The following CNTNAP2 variants were observed in gnomAD, a reference collection of about 807,000 sequenced individuals.
The protein encoded by CNTNAP2 is contactin associated protein 2.
CNTNAP2 carries 98 observed loss-of-function variants against 155.2 expected under a neutral mutation model. That is an observed-to-expected ratio of 0.63 (90% CI 0.54 to 0.75). CNTNAP2 has a LOEUF of 0.75. Ranked by LOEUF, CNTNAP2 falls within the 30% of genes least tolerant of loss-of-function variation. The pLI, the probability that CNTNAP2 is intolerant of heterozygous loss-of-function variation, is 0.00. For missense variants in CNTNAP2, 1,727 were observed against 1,688.1 expected, an observed-to-expected ratio of 1.02 and a Z score of -0.40; for synonymous variants, 651 against 631.2, an observed-to-expected ratio of 1.03 and a Z score of -0.47.
At chr7:147,829,183 A>G (rs892242222) in intron 13 of CNTNAP2, among the ~76,000 whole-genome samples, 4 of 152,124 alleles carry the variant, frequency 2.6e-5, no homozygotes, top group African/African-American at 9.7e-5. Context: ...CCCTCTACCA[A>G]CTGGATATGA....
intron 4 of CNTNAP2, among the ~76,000 whole-genome samples, chr7:147,094,399 CT>C (rs55694542): frequency 0.013 from 1,728 of 132,924 alleles, 9 homozygotes; most frequent in African/African-American, 0.016. Context: ...ATTATTATTC[CT>C]TTTTTTTTTT....
intron 1 of CNTNAP2, among the ~76,000 whole-genome samples, chr7:146,275,567 A>C (rs915239651): frequency 4.6e-5 from 7 of 152,206 alleles, no homozygotes; most frequent in African/African-American, 1.7e-4. Context: ...AAGTAAACCC[A>C]CATGTGTGTG....
chr7:146,634,594 T>C (rs1202545622), intron 1 of CNTNAP2, among the ~76,000 whole-genome samples: 1 of 152,212 alleles, frequency 6.6e-6, no homozygotes, highest in African/African-American at 2.4e-5. Context: ...TTTAATCTGA[T>C]TATTCATGAA....
intron 21 of CNTNAP2, chr7:148,339,318 G>C (rs1798179936): frequency 6.6e-6 from 1 of 151,906 alleles, no homozygotes; most frequent in Non-Finnish European, 1.5e-5. Flanking sequence ...GAGGATGCAA[G>C]TACAATTACG....
intron 1 of CNTNAP2, among the ~76,000 whole-genome samples, chr7:146,350,832 T>A (rs1347414433): frequency 3.9e-5 from 6 of 151,922 alleles, no homozygotes; most frequent in Non-Finnish European, 8.8e-5. Context: ...ATATACACCA[T>A]AGAATACTAT....
rs185322177 is a variant in CNTNAP2, at chr7:147,624,959, A to G, written c.1898-14147A>G. On this transcript the variant is annotated intron_variant, in intron 12 of 23. Transcript: ENST00000361727. ...ATGAGATACAGTCATTTGCAACAAC[A>G]TGGATGGAACTAGAGATCATTATGT... Among the ~76,000 whole-genome samples the G allele has an allele frequency of 3.3e-5, 5 of 152,310 alleles. No homozygotes were observed. The East Asian group carries it at 5.8e-4, about 18-fold the overall frequency.
intron 1 of CNTNAP2, among the ~76,000 whole-genome samples, chr7:146,132,126 A>G (rs1797723429): frequency 6.6e-6 from 1 of 152,200 alleles, no homozygotes; most frequent in Non-Finnish European, 1.5e-5. Context: ...CAGTATCTGT[A>G]TCTCAGATTG....
chr7:147,674,858 T>G (rs1795842835), intron 13 of CNTNAP2, among the ~76,000 whole-genome samples: 1 of 152,132 alleles, frequency 6.6e-6, no homozygotes, highest in South Asian at 2.1e-4. Context: ...AATTTGTTCT[T>G]GAATTATTTT....
rs997328928 is a variant in CNTNAP2, at chr7:147,639,525, G to A, written c.2098+219G>A. ...AAATAGTCCATTGTTTTAAACTTAC[G>A]GATTTTTAAATTGTATGTGCATATA... On this transcript the variant is annotated intron_variant, in intron 13 of 23. Coordinates refer to ENST00000361727, the MANE Select transcript of CNTNAP2 (RefSeq NM_014141.6). Among the ~76,000 whole-genome samples the A allele has an allele frequency of 1.2e-4, 18 of 152,240 alleles. No individual in the cohort carries two copies. In the East Asian group the frequency reaches 1.7e-3, roughly 15 times the overall value.
At position 147,679,969 on chromosome 7, in the gene CNTNAP2, T is replaced by A. The variant is rs560465168; in HGVS notation, c.2098+40663T>A. Reference sequence around the variant, plus strand: ...ATTGGTCAACTCTGAATATCTTCGTTTCTTTTTTTTTTTAATTCCACTGGT... The same window carrying A: ...ATTGGTCAACTCTGAATATCTTCGTATCTTTTTTTTTTTAATTCCACTGGT... On this transcript the variant is annotated intron_variant, in intron 13 of 23. Coordinates refer to ENST00000361727, the MANE Select transcript of CNTNAP2 (RefSeq NM_014141.6). 2.6e-5 allele frequency among the ~76,000 whole-genome samples: 4 copies of A among 151,358 alleles called. No homozygotes were observed. The South Asian group carries it at 8.3e-4, about 31-fold the overall frequency.
At chr7:147,373,033 C>T (rs963814833) in intron 9 of CNTNAP2, among the ~76,000 whole-genome samples, 4 of 152,074 alleles carry the variant, frequency 2.6e-5, no homozygotes, top group Non-Finnish European at 5.9e-5. Flanking sequence ...TCTAACTGAT[C>T]GTACCGTCCA....
At chr7:146,535,664 A>C (rs1347071883) in intron 1 of CNTNAP2, among the ~76,000 whole-genome samples, 1 of 151,436 alleles carries the variant, frequency 6.6e-6, no homozygotes, top group Admixed American at 6.6e-5. Context: ...GTTTGTTACA[A>C]GAGTATATCG....
intron 1 of CNTNAP2, among the ~76,000 whole-genome samples, chr7:146,750,658 T>C (rs533026883): frequency 4.6e-5 from 7 of 152,344 alleles, no homozygotes; most frequent in South Asian, 2.1e-4. Flanking sequence ...AGTCTTTAAA[T>C]TGACCTCAGT....
chr7:147,849,662 A>G (rs1798887693), intron 13 of CNTNAP2, among the ~76,000 whole-genome samples: 1 of 152,194 alleles, frequency 6.6e-6, no homozygotes, highest in African/African-American at 2.4e-5. Context: ...GTCTTGGACA[A>G]TTCCTGAATA....
Position 146,778,993 on chromosome 7 carries a change from A to G in CNTNAP2, c.208+4612A>G, listed in dbSNP as rs138876764. On this transcript the variant is annotated intron_variant, in intron 2 of 23. Coordinates refer to ENST00000361727, the MANE Select transcript of CNTNAP2 (RefSeq NM_014141.6). ...GGGAACCCAGGGGACTACTGGGGAA[A>G]CGATAACAGGCTATGTGTAAACTAG... is the stretch of plus-strand genomic sequence containing the variant. Among the ~76,000 whole-genome samples the G allele has an allele frequency of 2.6e-3, 391 of 152,286 alleles. 1 individual carries two copies. Among genetic ancestry groups the G allele is most frequent in the African/African-American group, 9.0e-3 (375 of 41,570 alleles).
At chr7:147,828,250 C>T (rs747965860) in intron 13 of CNTNAP2, among the ~76,000 whole-genome samples, 17 of 151,984 alleles carry the variant, frequency 1.1e-4, no homozygotes, top group Non-Finnish European at 2.1e-4. Context: ...GCATTGAAGC[C>T]CAAGGTTAAT....
chr7:146,858,648 C>T (rs952121216), intron 3 of CNTNAP2, among the ~76,000 whole-genome samples: 1 of 152,104 alleles, frequency 6.6e-6, no homozygotes, highest in Admixed American at 6.5e-5. Flanking sequence ...CAGCCATGAT[C>T]ACACCATTGC....
chr7:146,906,272 A>G (rs28883392), intron 3 of CNTNAP2, among the ~76,000 whole-genome samples: 12 of 152,186 alleles, frequency 7.9e-5, no homozygotes, highest in East Asian at 1.9e-4. Flanking sequence ...CAAAGCAGCC[A>G]GGAAGCTGGA....
intron 12 of CNTNAP2, among the ~76,000 whole-genome samples, chr7:147,625,531 A>G (rs751982927): frequency 1.3e-5 from 2 of 152,346 alleles, no homozygotes; most frequent in Non-Finnish European, 2.9e-5. Flanking sequence ...TTTATATATT[A>G]TTGTTTGCAT....
Sources: gnomAD v4.1 joint callset for allele counts (sites outside exome capture counted in the v4.1 genomes callset) on GRCh38, gnomAD v4.1.1 for gene constraint, MANE v1.5 for transcripts, NCBI Gene and HGNC (gene_info 2026-07-23, HGNC 2026-07-21) for gene names.